SAMD4A: variants seen among roughly 807,000 people sequenced by gnomAD.
SAMD4A encodes the protein sterile alpha motif domain containing 4A, also known as protein Smaug homolog 1.
A neutral mutation model predicts 81.3 loss-of-function variants in SAMD4A; 33 were observed. The observed-to-expected ratio is 0.41, with a 90% CI of 0.31 to 0.54. SAMD4A has a LOEUF of 0.54. Among genes scored for constraint, SAMD4A ranks in the 20% least tolerant of loss-of-function variants. The probability of loss-of-function intolerance (pLI) is 0.37; values close to 1 mark genes in which losing one functional copy is unlikely to be tolerated. For synonymous variants in SAMD4A, 389 were observed against 382.1 expected, an observed-to-expected ratio of 1.02 and a Z score of -0.21; for missense variants, 854 against 951.1, an observed-to-expected ratio of 0.90 and a Z score of 1.34.
chr14:54,733,719 C>T (rs2037617390), intron 3 of SAMD4A, among the ~76,000 whole-genome samples: 1 of 152,052 alleles, frequency 6.6e-6, no homozygotes, highest in Admixed American at 6.5e-5. Flanking sequence ...CATCAGTCTA[C>T]AAGCAAGAAC....
At chr14:54,701,908 G>T (rs1407336983) in intron 2 of SAMD4A, among the ~76,000 whole-genome samples, 154 bp from the exon 3 acceptor site, 2 of 152,212 alleles carry the variant, frequency 1.3e-5, no homozygotes, top group African/African-American at 4.8e-5. Context: ...AAAACCTGGG[G>T]TCAGTTAACC....
At chr14:54,582,966 A>G (rs1014879992) in intron 2 of SAMD4A, among the ~76,000 whole-genome samples, 26 of 152,036 alleles carry the variant, frequency 1.7e-4, no homozygotes. Flanking sequence ...CTTTTTTGAG[A>G]CAGAGTCTCT....
In SAMD4A at chr14:54,664,815, A is replaced by G. The variant is rs1425336689; in HGVS notation, c.197-37247A>G. Among the ~76,000 whole-genome samples the G allele has an allele frequency of 1.5e-5, 2 of 129,580 alleles. 1 individual carries two copies. Among genetic ancestry groups the G allele is most frequent in the South Asian group, 4.6e-4 (2 of 4,388 alleles). The allele number at this position is 129,580 out of a possible 152,430, so 85.0% of individuals were successfully genotyped here. The stretch of plus-strand genomic sequence containing the variant: ...ATGTTTAATTATGTGAATCCAACAC[A>G]CACACACACACACACACACACACAC... On this transcript the variant is annotated intron_variant, in intron 2 of 12. Coordinates refer to ENST00000554335, the MANE Select transcript of SAMD4A (RefSeq NM_015589.6).
chr14:54,601,084 C>A (rs767718681), intron 2 of SAMD4A, among the ~76,000 whole-genome samples: 4 of 152,134 alleles, frequency 2.6e-5, no homozygotes, highest in Admixed American at 2.0e-4. Context: ...AATTCCTCTT[C>A]GAGCTCAGCA....
At chr14:54,635,754 G>A (rs1478388731) in intron 2 of SAMD4A, among the ~76,000 whole-genome samples, 6 of 150,468 alleles carry the variant, frequency 4.0e-5, no homozygotes, top group Non-Finnish European at 4.4e-5. Flanking sequence ...AAAAAAAAAA[G>A]AAAAGAAAAA....
intron 2 of SAMD4A, among the ~76,000 whole-genome samples, chr14:54,587,333 T>A (rs1256945982): frequency 6.6e-6 from 1 of 152,116 alleles, no homozygotes; most frequent in Non-Finnish European, 1.5e-5. Context: ...TTTGGATGAG[T>A]CTTTAGGGTT....
intron 4 of SAMD4A, among the ~76,000 whole-genome samples, chr14:54,740,520 C>A (rs2037819700): frequency 6.6e-6 from 1 of 152,170 alleles, no homozygotes; most frequent in Admixed American, 6.5e-5. Flanking sequence ...AGTGTGAATT[C>A]CTCTTTATGG....
chr14:54,574,797 C>T (rs1045619425), intron 2 of SAMD4A, among the ~76,000 whole-genome samples: 4 of 152,122 alleles, frequency 2.6e-5, no homozygotes, highest in Non-Finnish European at 4.4e-5. Context: ...GATAAAGTGT[C>T]GTAGACCAGT....
intron 2 of SAMD4A, among the ~76,000 whole-genome samples, chr14:54,624,415 C>T (rs558757172): frequency 1.3e-5 from 2 of 152,252 alleles, no homozygotes; most frequent in Non-Finnish European, 2.9e-5. Flanking sequence ...TCCATTGACC[C>T]TTATTACACA....
At chr14:54,744,211 G>A (rs997861826) in intron 4 of SAMD4A, among the ~76,000 whole-genome samples, 4 of 152,122 alleles carry the variant, frequency 2.6e-5, no homozygotes, top group Non-Finnish European at 5.9e-5. Flanking sequence ...TGCTGCATTC[G>A]ATATTGGGCT....
intron 2 of SAMD4A, among the ~76,000 whole-genome samples, chr14:54,587,537 A>G (rs971029549): frequency 1.3e-5 from 2 of 152,034 alleles, no homozygotes; most frequent in African/African-American, 4.8e-5. Flanking sequence ...GCTTTTCTCC[A>G]TTCAGTATAA....
Position 54,784,623 on chromosome 14 carries a change from G to C in SAMD4A, c.2128+3G>C, listed in dbSNP as rs753250969. 23 of 1,612,988 alleles carry C rather than the reference G, an allele frequency of 1.4e-5. No individual in the cohort carries two copies. The East Asian group carries it at 3.8e-4, about 27-fold the overall frequency. On this transcript the variant is annotated splice_donor_region_variant and intron_variant, in intron 12 of 12. Transcript: ENST00000554335. ...TATGACCGAACACGCCCTGGGAGGTGAGTGTGTTCTTCCTGCATGTCCCCA... is the reference window on the plus strand; with the variant it reads ...TATGACCGAACACGCCCTGGGAGGTCAGTGTGTTCTTCCTGCATGTCCCCA...
At chr14:54,598,071 G>A (rs192635244) in intron 2 of SAMD4A, among the ~76,000 whole-genome samples, 2 of 152,328 alleles carry the variant, frequency 1.3e-5, no homozygotes, top group Admixed American at 1.3e-4. Flanking sequence ...GAGACAGGGA[G>A]ACTAATCTTG....
chr14:54,645,212 A>G (rs1566564039), intron 2 of SAMD4A, among the ~76,000 whole-genome samples: 1 of 152,212 alleles, frequency 6.6e-6, no homozygotes, highest in East Asian at 1.9e-4. Flanking sequence ...CACACCTACA[A>G]TCCCAGGACT....
intron 4 of SAMD4A, 94 bp from the exon 5 acceptor site, chr14:54,748,721 A>T: frequency 1.2e-6 from 1 of 801,630 alleles, no homozygotes. Context: ...TTTGACCATC[A>T]CCCTCTTTTC....
chr14:54,699,054 T>TA lies in SAMD4A; in HGVS notation c.197-3007dup, dbSNP rs1254259232. Among the ~76,000 whole-genome samples, 5 of 152,344 alleles carry TA rather than the reference T, an allele frequency of 3.3e-5. No homozygotes were observed. The East Asian group carries it at 9.6e-4, about 29-fold the overall frequency. On this transcript the variant is annotated intron_variant, in intron 2 of 12. Coordinates refer to ENST00000554335, the MANE Select transcript of SAMD4A (RefSeq NM_015589.6). Reference sequence around the variant, plus strand: ...TTTATTAGAAGTCATTCCTAATTTTTATCTTTAAATGTACATTTTCAAGGA... The same window carrying TA: ...TTTATTAGAAGTCATTCCTAATTTTTAATCTTTAAATGTACATTTTCAAGGA...
intron 2 of SAMD4A, among the ~76,000 whole-genome samples, chr14:54,647,531 A>G (rs958322855): frequency 6.6e-6 from 1 of 152,228 alleles, no homozygotes; most frequent in African/African-American, 2.4e-5. Flanking sequence ...AAACCATTCA[A>G]TCTAAAATAG....
intron 2 of SAMD4A, among the ~76,000 whole-genome samples, chr14:54,667,012 G>A (rs1014905683): frequency 2.0e-5 from 3 of 152,042 alleles, no homozygotes; most frequent in Admixed American, 6.6e-5. Context: ...GAAAGAAATC[G>A]AGATTTAAAC....
At position 54,702,500 on chromosome 14, in the gene SAMD4A, G is replaced by A. The variant is rs371271838; in HGVS notation, c.635G>A (p.Cys212Tyr). Residue 212 changes from cysteine (C) to tyrosine (Y), a missense_variant, in exon 3 of 13, where the codon TGT becomes TAT. Coordinates refer to ENST00000554335, the MANE Select transcript of SAMD4A (RefSeq NM_015589.6). ...ASNWQDKSMG[C>Y]ENGHVPLYSS... ...AACTGGCAGGACAAAAGCATGGGGT[G>A]TGAGAATGGCCATGTGCCCCTCTAC... 1.1e-5 allele frequency: 18 copies of A among 1,614,076 alleles called. No homozygotes were observed. The highest frequency in any genetic ancestry group is 1.4e-5 in the Non-Finnish European group (17 of 1,180,028).
Sources: allele counts gnomAD v4.1 joint callset (sites outside exome capture counted in the v4.1 genomes callset), GRCh38; gene constraint gnomAD v4.1.1; transcripts MANE v1.5; gene names NCBI Gene and HGNC (gene_info 2026-07-23, HGNC 2026-07-21).